The following SIPA1L2 variants were observed in gnomAD, a reference collection of about 807,000 sequenced individuals.
The protein encoded by SIPA1L2 is signal-induced proliferation-associated 1-like protein 2.
SIPA1L2 carries 56 observed loss-of-function variants against 163.9 expected under a neutral mutation model. That is an observed-to-expected ratio of 0.34 (90% CI 0.28 to 0.43). SIPA1L2 has a LOEUF of 0.43. Among genes scored for constraint, SIPA1L2 ranks in the 20% least tolerant of loss-of-function variants. The pLI, the probability that SIPA1L2 is intolerant of heterozygous loss-of-function variation, is 1.00. For missense variants in SIPA1L2, 1,974 were observed against 2,193.5 expected, an observed-to-expected ratio of 0.90 and a Z score of 2.00; for synonymous variants, 877 against 865.7, an observed-to-expected ratio of 1.01 and a Z score of -0.23.
At chr1:232,576,604 TA>T (rs1660091201) in intron 1 of SIPA1L2, among the ~76,000 whole-genome samples, 1 of 152,148 alleles carries the variant, frequency 6.6e-6, no homozygotes, top group African/African-American at 2.4e-5. Context: ...CAACTCACTT[TA>T]AATAAAAAAC....
chr1:232,509,692 C>T, intron 3 of SIPA1L2, among the ~76,000 whole-genome samples: 2 of 152,318 alleles, frequency 1.3e-5, no homozygotes, highest in South Asian at 4.1e-4. Flanking sequence ...GTACTTTTCA[C>T]TTAAGAATCT....
At chr1:232,403,672 C>T in intron 20 of SIPA1L2, 101 bp from the exon 21 acceptor site, 2 of 1,426,124 alleles carry the variant, frequency 1.4e-6, no homozygotes, top group Non-Finnish European at 9.4e-7. Flanking sequence ...CTTTTCCCCC[C>T]TTCAAACCAG....
At chr1:232,422,001 G>A (rs1217842434) in intron 18 of SIPA1L2, among the ~76,000 whole-genome samples, 5 of 152,174 alleles carry the variant, frequency 3.3e-5, no homozygotes. Context: ...GGATTGTGCT[G>A]AATGAACCCA....
intron 3 of SIPA1L2, among the ~76,000 whole-genome samples, chr1:232,511,927 G>T: frequency 6.6e-6 from 1 of 152,174 alleles, no homozygotes; most frequent in East Asian, 1.9e-4. Context: ...ACTATCATCA[G>T]AGGCAACAGG....
chr1:232,400,910 C>T (rs1204033098), intron 22 of SIPA1L2, among the ~76,000 whole-genome samples: 1 of 152,132 alleles, frequency 6.6e-6, no homozygotes, highest in East Asian at 1.9e-4. Flanking sequence ...CACCTCCAGT[C>T]TTTTAAAAAT....
intron 1 of SIPA1L2, among the ~76,000 whole-genome samples, chr1:232,600,042 C>T (rs1391519973): frequency 3.3e-5 from 5 of 152,236 alleles, no homozygotes; most frequent in Non-Finnish European, 7.3e-5. Context: ...GGCACTAATC[C>T]GTTGCCAGAG....
chr1:232,407,405 T>C (rs1392439528), intron 19 of SIPA1L2, among the ~76,000 whole-genome samples: 1 of 152,228 alleles, frequency 6.6e-6, no homozygotes, highest in Non-Finnish European at 1.5e-5. Flanking sequence ...TTATCAACTT[T>C]AAGCTGAAGC....
rs572398807 is a variant in SIPA1L2, at chr1:232,465,478, C to A, written c.2244-62G>T. ...TATGATACCATAATATGTATCTTTC[C>A]GAATTTGACATATATATACACACAC... is the stretch of plus-strand genomic sequence containing the variant. On this transcript the variant is annotated intron_variant, in intron 8 of 22. Transcript: ENST00000674635. The surrounding 1 kb of genome is among the most constrained non-coding windows in gnomAD (Gnocchi z 4.1). 4.6e-5 allele frequency: 63 copies of A among 1,384,436 alleles called. No homozygotes were observed. In the South Asian group the frequency reaches 7.3e-4, roughly 16 times the overall value. The allele number at this position is 1,384,436 out of a possible 1,614,324, so 85.8% of individuals were successfully genotyped here.
chr1:232,569,800 A>T (rs145117479), intron 2 of SIPA1L2, among the ~76,000 whole-genome samples: 14 of 152,280 alleles, frequency 9.2e-5, no homozygotes, highest in African/African-American at 3.4e-4. Flanking sequence ...GCAACAGAGC[A>T]AGACTCCATC....
In SIPA1L2 at chr1:232,490,733, T is replaced by C. The variant is rs1009337310; in HGVS notation, c.1806+141A>G. The C allele has an allele frequency of 3.9e-5, 34 of 865,520 alleles. No homozygotes were observed. In the African/African-American group the frequency reaches 5.4e-4, roughly 14 times the overall value. The allele number at this position is 865,520 out of a possible 1,614,324, so 53.6% of individuals were successfully genotyped here. The stretch of plus-strand genomic sequence containing the variant: ...ATGTTTCCAAACTAGTATAAAAACA[T>C]ATTTGGGAAAAACTAAAGAGAAAAT... On this transcript the variant is annotated intron_variant, in intron 5 of 22. Transcript: ENST00000674635.
rs542865802 is a variant in SIPA1L2 at position 232,441,807 on chromosome 1, T to C, written c.3499A>G (p.Arg1167Gly). The change falls in exon 13 of 23, where the codon AGG (arginine) becomes GGG (glycine). Residue 1167 changes from arginine (R) to glycine (G), a missense_variant. Arg to Gly is a moderately radical substitution (Grantham distance 125). This residue lies in a region of SIPA1L2 where 1,079 missense variants were observed against 1,150.7 expected (regional missense o/e 0.94). Coordinates refer to ENST00000674635, the MANE Select transcript of SIPA1L2 (RefSeq NM_020808.5). ...GSGPLECDGA[R>G]EREDTMEASR... is the part of the protein sequence containing the mutation. ...GCTTCCATGGTGTCTTCCCTCTCCC[T>C]GGCTCCGTCACATTCCAAAGGGCCT... 3.2e-4 allele frequency: 514 copies of C among 1,613,936 alleles called. 8 individuals are homozygous for C. The South Asian group carries it at 4.0e-3, about 13-fold the overall frequency.
At chr1:232,571,436 A>G (rs897773698) in intron 2 of SIPA1L2, among the ~76,000 whole-genome samples, 1 of 152,230 alleles carries the variant, frequency 6.6e-6, no homozygotes, top group East Asian at 1.9e-4. Flanking sequence ...TTGGGGAATG[A>G]GACTGCAGGA....
In SIPA1L2 at chr1:232,614,523, A is replaced by G. The variant is rs1386320086; in HGVS notation, c.-319+15346T>C. 3.3e-5 allele frequency among the ~76,000 whole-genome samples: 5 copies of G among 152,244 alleles called. No homozygotes were observed. The East Asian group carries it at 9.6e-4, about 29-fold the overall frequency. On this transcript the variant is annotated intron_variant, in intron 1 of 22. Coordinates refer to ENST00000674635, the MANE Select transcript of SIPA1L2 (RefSeq NM_020808.5). ...CCACAGCATGAATTGAAAACATACC[A>G]TCTGCAGCTGCTTAGCCGCAGCTAC...
intron 20 of SIPA1L2, 74 bp downstream of exon 20, chr1:232,404,051 G>T: frequency 6.5e-7 from 1 of 1,537,272 alleles, no homozygotes; most frequent in Non-Finnish European, 9.0e-7. Flanking sequence ...TAACCATGCA[G>T]ACGTGCAGAC....
chr1:232,445,753 C>A lies in SIPA1L2; in HGVS notation c.3129G>T (p.Val1043=). ...TGCCCTCGCTGTCGAGTTTATATTC[C>A]ACCATAGGGATCCGGCAGAGCTCTG... ...GCSELCRIPM[V]EYKLDSEGTP... is the part of the protein sequence containing the mutation. The change falls in exon 11 of 23, where the codon GTG becomes GTT. Residue 1043 remains valine, a synonymous_variant. Coordinates refer to ENST00000674635, the MANE Select transcript of SIPA1L2 (RefSeq NM_020808.5). The A allele has an allele frequency of 6.2e-7, 1 of 1,613,644 alleles. No homozygotes were observed. Among genetic ancestry groups the A allele is most frequent in the Non-Finnish European group, 8.5e-7 (1 of 1,179,906 alleles).
At chr1:232,504,502 C>T (rs919393709) in intron 3 of SIPA1L2, among the ~76,000 whole-genome samples, 1 of 151,930 alleles carries the variant, frequency 6.6e-6, no homozygotes, top group Non-Finnish European at 1.5e-5. Context: ...CGTGCCACTG[C>T]ACTCCAGCCT....
chr1:232,584,739 T>C (rs898973715), intron 1 of SIPA1L2, among the ~76,000 whole-genome samples: 1 of 152,164 alleles, frequency 6.6e-6, no homozygotes, highest in Non-Finnish European at 1.5e-5. Flanking sequence ...ACTTCTTAAA[T>C]CATACTTAAA....
In SIPA1L2 at chr1:232,630,133, T is replaced by C. The variant is rs1026458380; in HGVS notation, c.-583A>G. Among the ~76,000 whole-genome samples, 2 of 151,064 alleles carry C rather than the reference T, an allele frequency of 1.3e-5. No homozygotes were observed. The highest frequency in any genetic ancestry group is 3.0e-5 in the Non-Finnish European group (2 of 67,624). ...GCCAGCTCCTCCCGGGCTCCCAGTC[T>C]GCCGCGCCGGCTCCCGATGCCACCG... On this transcript the variant is annotated 5_prime_UTR_variant, in exon 1 of 23. Transcript: ENST00000674635.
intron 10 of SIPA1L2, among the ~76,000 whole-genome samples, chr1:232,455,420 G>A (rs1306862541): frequency 2.0e-5 from 3 of 152,146 alleles, no homozygotes; most frequent in African/African-American, 4.8e-5. Context: ...CGTGGCTCAC[G>A]CCTGTAATCC....
Sources: allele counts gnomAD v4.1 joint callset (sites outside exome capture counted in the v4.1 genomes callset), GRCh38; gene constraint gnomAD v4.1.1; regional missense constraint gnomAD v4.1.1; non-coding constraint Gnocchi (gnomAD v3.1); transcripts MANE v1.5; gene names NCBI Gene and HGNC (gene_info 2026-07-23, HGNC 2026-07-21).